Variants in ERBB4 observed in about 807,000 individuals in gnomAD.
ERBB4 encodes receptor tyrosine-protein kinase erbB-4.
ERBB4 carries 42 observed loss-of-function variants against 158.0 expected under a neutral mutation model. The ratio of observed to expected loss-of-function variants is 0.27; its 90% CI spans 0.21 to 0.34. The LOEUF (loss-of-function observed/expected upper bound fraction) is 0.34, where lower values mean the gene tolerates loss of function less well. Ranked by LOEUF, ERBB4 falls within the 10% of genes least tolerant of loss-of-function variation. The pLI is 1.00. For synonymous variants in ERBB4, 583 were observed against 558.7 expected, an observed-to-expected ratio of 1.04 and a Z score of -0.61; for missense variants, 1,333 against 1,624.1, an observed-to-expected ratio of 0.82 and a Z score of 3.08.
Position 212,075,098 on chromosome 2 carries a change from A to T in ERBB4, c.234+49654T>A, listed in dbSNP as rs562562860. 2.5e-3 allele frequency among the ~76,000 whole-genome samples: 383 copies of T among 152,072 alleles called. 1 individual carries two copies. Among genetic ancestry groups the T allele is most frequent in the African/African-American group, 8.9e-3 (368 of 41,528 alleles). Reference sequence around the variant, plus strand: ...TCTCTTCTCAGCCATGATGAAACTGAGCATAAAACAATTTAAGAAAGTTTT... The same window carrying T: ...TCTCTTCTCAGCCATGATGAAACTGTGCATAAAACAATTTAAGAAAGTTTT... On this transcript the variant is annotated intron_variant, in intron 2 of 27. Coordinates refer to ENST00000342788, the MANE Select transcript of ERBB4 (RefSeq NM_005235.3).
At chr2:212,124,331 A>G (rs190768591) in intron 2 of ERBB4, among the ~76,000 whole-genome samples, 10 of 152,114 alleles carry the variant, frequency 6.6e-5, no homozygotes, top group Admixed American at 5.2e-4. Context: ...TTTTTTAATA[A>G]CAGTGTTAGT....
intron 2 of ERBB4, among the ~76,000 whole-genome samples, chr2:212,011,623 G>A (rs1217544888): frequency 6.6e-6 from 1 of 151,998 alleles, no homozygotes; most frequent in South Asian, 2.1e-4. Context: ...GGTGGTACAT[G>A]TCTGTAATCC....
chr2:211,891,706 A>G (rs1419604233), intron 3 of ERBB4, among the ~76,000 whole-genome samples: 1,216 of 103,458 alleles, frequency 0.012, no homozygotes, highest in African/African-American at 0.015. Context: ...TAGACACAAT[A>G]AAAAATGATA....
chr2:211,557,773 A>G (rs1032608958), intron 20 of ERBB4, among the ~76,000 whole-genome samples: 1 of 152,162 alleles, frequency 6.6e-6, no homozygotes, highest in African/African-American at 2.4e-5. Context: ...CTGGGTATAT[A>G]CCCACAGGAA....
intron 3 of ERBB4, among the ~76,000 whole-genome samples, chr2:211,921,158 T>C (rs1307247763): frequency 1.3e-5 from 2 of 152,066 alleles, no homozygotes; most frequent in African/African-American, 2.4e-5. Flanking sequence ...TTACTACAAA[T>C]TACTAAGATT....
Position 212,169,297 on chromosome 2 carries a change from A to G in ERBB4, c.83-44394T>C, listed in dbSNP as rs16847834. Among the ~76,000 whole-genome samples the G allele has an allele frequency of 5.5e-3, 837 of 152,258 alleles. 23 individuals are homozygous for G. The highest frequency in any genetic ancestry group is 0.039 in the Admixed American group (596 of 15,280). On this transcript the variant is annotated intron_variant, in intron 1 of 27. Coordinates refer to ENST00000342788, the MANE Select transcript of ERBB4 (RefSeq NM_005235.3). ...CTTATCAACAGAAAATTGAATTAGTAAAGTATAGGAAATCCATATAGTATA... is the reference window on the plus strand; with the variant it reads ...CTTATCAACAGAAAATTGAATTAGTGAAGTATAGGAAATCCATATAGTATA...
chr2:211,952,091 T>C (rs1025149012), intron 2 of ERBB4, among the ~76,000 whole-genome samples: 2 of 152,168 alleles, frequency 1.3e-5, no homozygotes, highest in South Asian at 2.1e-4. Context: ...AACTGAAGCA[T>C]TTTAAAAAGA....
intron 19 of ERBB4, among the ~76,000 whole-genome samples, chr2:211,563,534 T>C: frequency 6.6e-6 from 1 of 152,214 alleles, no homozygotes; most frequent in East Asian, 1.9e-4. Flanking sequence ...TAGAGCAATG[T>C]TGCATCTTTG....
intron 2 of ERBB4, among the ~76,000 whole-genome samples, chr2:212,064,494 C>A (rs780599758): frequency 6.6e-6 from 1 of 152,080 alleles, no homozygotes; most frequent in Admixed American, 6.6e-5. Flanking sequence ...CTTTCAAGAT[C>A]CTGCTGCAAT....
At chr2:212,367,361 G>A (rs1357948664) in intron 1 of ERBB4, among the ~76,000 whole-genome samples, 1 of 152,016 alleles carries the variant, frequency 6.6e-6, no homozygotes, top group Non-Finnish European at 1.5e-5. Context: ...TCAACAAATG[G>A]CGCTGGGATA....
chr2:211,745,963 T>A (rs1435761327), intron 5 of ERBB4, among the ~76,000 whole-genome samples: 4 of 152,238 alleles, frequency 2.6e-5, no homozygotes, highest in African/African-American at 9.6e-5. Flanking sequence ...ATCCAGGTAT[T>A]AGCTGTGTAA....
At chr2:212,354,469 C>G (rs1447103352) in intron 1 of ERBB4, among the ~76,000 whole-genome samples, 2 of 152,114 alleles carry the variant, frequency 1.3e-5, no homozygotes, top group Non-Finnish European at 2.9e-5. Flanking sequence ...TACATAATCT[C>G]AGCAATATAT....
intron 3 of ERBB4, among the ~76,000 whole-genome samples, chr2:211,917,646 T>TA (rs1342249298): frequency 1.3e-5 from 2 of 152,118 alleles, no homozygotes; most frequent in Non-Finnish European, 2.9e-5. Context: ...AGTATAGTGC[T>TA]AAAAAATGCT....
intron 4 of ERBB4, among the ~76,000 whole-genome samples, chr2:211,785,458 G>T (rs1475833482): frequency 6.6e-6 from 1 of 151,834 alleles, no homozygotes; most frequent in African/African-American, 2.4e-5. Flanking sequence ...TTTTGCTGTT[G>T]GTGTTTTTGG....
intron 1 of ERBB4, among the ~76,000 whole-genome samples, chr2:212,136,304 T>A (rs1339111960): frequency 5.3e-5 from 8 of 152,228 alleles, no homozygotes; most frequent in Admixed American, 5.2e-4. Flanking sequence ...AGACTTCCTT[T>A]TTCATTCCTT....
rs565174761 is a variant in ERBB4 at position 212,363,823 on chromosome 2, T to C, written c.82+174626A>G. On this transcript the variant is annotated intron_variant, in intron 1 of 27. Coordinates refer to ENST00000342788, the MANE Select transcript of ERBB4 (RefSeq NM_005235.3). ...GCCTCTATACATGATTATATATACATTTACAAAACTTTTAAGAACTACCAA... is the reference window on the plus strand; with the variant it reads ...GCCTCTATACATGATTATATATACACTTACAAAACTTTTAAGAACTACCAA... 3.6e-3 allele frequency among the ~76,000 whole-genome samples: 552 copies of C among 151,802 alleles called. 3 individuals are homozygous for C. The highest frequency in any genetic ancestry group is 6.5e-3 in the Non-Finnish European group (441 of 67,776).
At chr2:211,866,176 G>A (rs1312885294) in intron 3 of ERBB4, among the ~76,000 whole-genome samples, 9 of 152,102 alleles carry the variant, frequency 5.9e-5, no homozygotes, top group African/African-American at 1.9e-4. Flanking sequence ...GCCTGTACCC[G>A]GGAGGCGGGG....
At position 212,470,860 on chromosome 2, in the gene ERBB4, A is replaced by G. The variant is rs140496546; in HGVS notation, c.82+67589T>C. ...AATTTAATTCAAGGAACATTTCTTTAAAAAGAAGCAGATACCAATAAAAGC... is the reference window on the plus strand; with the variant it reads ...AATTTAATTCAAGGAACATTTCTTTGAAAAGAAGCAGATACCAATAAAAGC... On this transcript the variant is annotated intron_variant, in intron 1 of 27. Coordinates refer to ENST00000342788, the MANE Select transcript of ERBB4 (RefSeq NM_005235.3). Among the ~76,000 whole-genome samples the G allele has an allele frequency of 8.9e-3, 1,353 of 152,154 alleles. 22 individuals are homozygous for G. The highest frequency in any genetic ancestry group is 0.031 in the African/African-American group (1,295 of 41,538).
intron 3 of ERBB4, among the ~76,000 whole-genome samples, chr2:211,877,608 C>T (rs1559603239): frequency 6.6e-6 from 1 of 151,204 alleles, no homozygotes; most frequent in Non-Finnish European, 1.5e-5. Flanking sequence ...TTAGTCCAGA[C>T]ATTAAAATAT....
Sources: allele counts gnomAD v4.1 joint callset (sites outside exome capture counted in the v4.1 genomes callset), GRCh38; gene constraint gnomAD v4.1.1; transcripts MANE v1.5; gene names NCBI Gene and HGNC (gene_info 2026-07-23, HGNC 2026-07-21).